Variants in CBFA2T3 observed in about 807,000 individuals in gnomAD.
The protein encoded by CBFA2T3 is CBFA2/RUNX1 partner transcriptional co-repressor 3, also known as transcriptional corepressor CBFA2T3.
Under a neutral mutation model 58.6 loss-of-function variants are expected in CBFA2T3, and 31 were observed. The ratio of observed to expected loss-of-function variants is 0.53; its 90% CI spans 0.40 to 0.71. CBFA2T3 has a LOEUF of 0.71. CBFA2T3 is among the 30% of genes least tolerant of loss of function. The pLI is 0.00. For synonymous variants in CBFA2T3, 531 were observed against 421.9 expected (o/e 1.26, Z -3.17); for missense variants, 1,076 against 963.1 (o/e 1.12, Z -1.55).
chr16:88,892,027 C>T (rs1161609147), intron 4 of CBFA2T3, 56 bp from the exon 5 acceptor site: 22 of 1,486,288 alleles, frequency 1.5e-5, no homozygotes, highest in East Asian at 6.9e-5. Context: ...GAGCCAGCGC[C>T]GACCCACCCA....
At chr16:88,881,141 G>A (rs528407689) in intron 9 of CBFA2T3, 150 bp downstream of exon 9, 191 of 791,490 alleles carry the variant, frequency 2.4e-4, no homozygotes, top group Non-Finnish European at 3.6e-4. Context: ...AGACCAGCCC[G>A]TGTTTTCCTA....
At chr16:88,895,797 T>C (rs1348377611) in intron 3 of CBFA2T3, among the ~76,000 whole-genome samples, 2 of 152,126 alleles carry the variant, frequency 1.3e-5, no homozygotes, top group African/African-American at 2.4e-5. Context: ...GACACGGCCC[T>C]GCCCTCGAGG....
At chr16:88,881,233 G>A (rs1969059431) in intron 9 of CBFA2T3, 58 bp downstream of exon 9, 3 of 1,462,864 alleles carry the variant, frequency 2.1e-6, no homozygotes, top group Non-Finnish European at 2.8e-6. Context: ...CAGCTCCCAG[G>A]TGTCCGCCCC....
At chr16:88,892,220 C>A in intron 4 of CBFA2T3, 24 bp downstream of exon 4, 1 of 1,598,498 alleles carries the variant, frequency 6.3e-7, no homozygotes, top group Non-Finnish European at 8.5e-7. Flanking sequence ...GTCCCAAGGC[C>A]CCGGCTGTCC....
chr16:88,926,554 G>C (rs759569136), intron 1 of CBFA2T3, among the ~76,000 whole-genome samples: 3 of 152,194 alleles, frequency 2.0e-5, no homozygotes, highest in Non-Finnish European at 4.4e-5. Context: ...TTTGTCATGC[G>C]TCACACCAGG....
At chr16:88,976,561 G>A in intron 1 of CBFA2T3, 96 bp downstream of exon 1, 1 of 935,178 alleles carries the variant, frequency 1.1e-6, no homozygotes, top group Non-Finnish European at 1.6e-6. Flanking sequence ...TGTCAACTAA[G>A]CTGGGCAGGC....
intron 1 of CBFA2T3, among the ~76,000 whole-genome samples, chr16:88,913,812 C>T (rs114064219): frequency 4.3e-4 from 66 of 152,218 alleles, no homozygotes; most frequent in African/African-American, 1.4e-3. Context: ...ATTATCTACT[C>T]GACACAAAAC....
chr16:88,965,088 T>TATCCATCCATCCATCC lies in CBFA2T3; in HGVS notation c.151+11553_151+11568dup, dbSNP rs1192246574. On this transcript the variant is annotated intron_variant, in intron 1 of 11. Coordinates refer to ENST00000268679, the MANE Select transcript of CBFA2T3 (RefSeq NM_005187.6). ...CCATCCATCTATCCACCCACCCATC[T>TATCCATCCATCCATCC]ATCCATCCATCCATCCATCCATCCA... is the stretch of plus-strand genomic sequence containing the variant. 7.5e-5 allele frequency among the ~76,000 whole-genome samples: 10 copies of TATCCATCCATCCATCC among 133,106 alleles called. No homozygotes were observed. In the South Asian group the frequency reaches 1.5e-3, roughly 20 times the overall value. The allele number at this position is 133,106 out of a possible 152,430, so 87.3% of individuals were successfully genotyped here.
chr16:88,884,992 G>C, intron 7 of CBFA2T3, 54 bp downstream of exon 7: 1 of 1,341,806 alleles, frequency 7.5e-7, no homozygotes, highest in Non-Finnish European at 1.0e-6. Context: ...ACATGTGGGC[G>C]CATGTGTGCT....
chr16:88,909,520 C>T lies in CBFA2T3; in HGVS notation c.152-7864G>A, dbSNP rs149660334. Among the ~76,000 whole-genome samples, 301 of 152,210 alleles carry T rather than the reference C, an allele frequency of 2.0e-3. 1 individual carries two copies. Among genetic ancestry groups the T allele is most frequent in the African/African-American group, 6.8e-3 (283 of 41,512 alleles). On this transcript the variant is annotated intron_variant, in intron 1 of 11. Transcript: ENST00000268679. ...TGGGACGGAGGACGCCACTGCAACC[C>T]GGGTGACCATGACGGCAGCTGGGAC...
At chr16:88,961,574 A>C (rs8051291) in intron 1 of CBFA2T3, among the ~76,000 whole-genome samples, 32 of 114,554 alleles carry the variant, frequency 2.8e-4, no homozygotes, top group African/African-American at 7.9e-4. Context: ...AGTAACCGAC[A>C]CTCAGCACTG....
In CBFA2T3 at chr16:88,917,547, C is replaced by T. The variant is rs370759641; in HGVS notation, c.152-15891G>A. Among the ~76,000 whole-genome samples the T allele has an allele frequency of 1.3e-4, 20 of 152,272 alleles. No homozygotes were observed. The East Asian group carries it at 3.1e-3, about 23-fold the overall frequency. On this transcript the variant is annotated intron_variant, in intron 1 of 11. Coordinates refer to ENST00000268679, the MANE Select transcript of CBFA2T3 (RefSeq NM_005187.6). Reference sequence around the variant, plus strand: ...AATGAGGCGCCAGGGGAGGCTACACCGGTTCCCAAAGTGTCGTCGCTGTTT... The same window carrying T: ...AATGAGGCGCCAGGGGAGGCTACACTGGTTCCCAAAGTGTCGTCGCTGTTT...
At chr16:88,968,886 G>A (rs1426131399) in intron 1 of CBFA2T3, among the ~76,000 whole-genome samples, 2 of 152,090 alleles carry the variant, frequency 1.3e-5, no homozygotes, top group Admixed American at 6.5e-5. Context: ...GGACCTGAGT[G>A]CCATGTGACC....
At chr16:88,937,165 G>A (rs994124356) in intron 1 of CBFA2T3, 2 of 152,288 alleles carry the variant, frequency 1.3e-5, no homozygotes, top group Non-Finnish European at 2.9e-5. Flanking sequence ...GCAGAACCAG[G>A]CCTTCTCACT....
chr16:88,877,241 G>A lies in CBFA2T3; in HGVS notation c.1697C>T (p.Thr566Met), dbSNP rs1274597483. 4 of 1,555,026 alleles carry A rather than the reference G, an allele frequency of 2.6e-6. No individual in the cohort carries two copies. The highest frequency in any genetic ancestry group is 1.4e-5 in the African/African-American group (1 of 73,196). The change falls in exon 12 of 12, where the codon ACG (threonine) becomes ATG (methionine). Residue 566 changes from threonine (T) to methionine (M), a missense_variant. Physicochemically the swap from Thr to Met is moderately conservative, Grantham distance 81. Coordinates refer to ENST00000268679, the MANE Select transcript of CBFA2T3 (RefSeq NM_005187.6). ...GCGTGCCGCGTTGCAGCCGCTGCACGTCTCACTGGCTTTCCGCCCGCAGTT... is the reference window on the plus strand; with the variant it reads ...GCGTGCCGCGTTGCAGCCGCTGCACATCTCACTGGCTTTCCGCCCGCAGTT... ...CWNCGRKASE[T>M]CSGCNAARYC...
At chr16:88,900,244 C>T (rs533682579) in intron 2 of CBFA2T3, among the ~76,000 whole-genome samples, 3 of 152,278 alleles carry the variant, frequency 2.0e-5, no homozygotes, top group East Asian at 1.9e-4. Context: ...TGCCTCTGGG[C>T]GGCACACCTG....
chr16:88,891,838 T>TTCTA, intron 5 of CBFA2T3, 44 bp downstream of exon 5: 2 of 1,426,314 alleles, frequency 1.4e-6, no homozygotes, highest in Non-Finnish European at 2.0e-6. Flanking sequence ...TTAAGGGGCC[T>TTCTA]TCTAGGGAGG....
intron 8 of CBFA2T3, 78 bp from the exon 9 acceptor site, chr16:88,881,567 G>C (rs1194185051): frequency 2.0e-6 from 3 of 1,463,964 alleles, no homozygotes; most frequent in Admixed American, 1.9e-5. Flanking sequence ...CACTCGGCCA[G>C]AGCCCCGGAC....
intron 1 of CBFA2T3, among the ~76,000 whole-genome samples, chr16:88,917,043 C>T (rs891460873): frequency 2.7e-5 from 4 of 147,380 alleles, no homozygotes; most frequent in African/African-American, 5.1e-5. Context: ...CACTGCACTC[C>T]AGCCTAGGTG....
Sources: allele counts gnomAD v4.1 joint callset (sites outside exome capture counted in the v4.1 genomes callset), GRCh38; gene constraint gnomAD v4.1.1; transcripts MANE v1.5; gene names NCBI Gene and HGNC (gene_info 2026-07-23, HGNC 2026-07-21).